The following CNTN3 variants were observed in gnomAD, a reference collection of about 807,000 sequenced individuals.
CNTN3 encodes contactin 3, also known as contactin-3.
In CNTN3, 60 loss-of-function variants were observed where a neutral mutation model predicts 119.1. The observed-to-expected ratio is 0.50, with a 90% CI of 0.41 to 0.62. The LOEUF (loss-of-function observed/expected upper bound fraction) is 0.62, where lower values mean the gene tolerates loss of function less well. CNTN3 is among the 20% of genes least tolerant of loss of function. CNTN3 has a pLI of 0.00. For missense variants in CNTN3, 1,101 were observed against 1,242.4 expected (o/e 0.89, Z 1.71); for synonymous variants, 450 against 438.7 (o/e 1.03, Z -0.32).
At chr3:74,575,612 C>CACACACACACACACAA in intron 1 of CNTN3, among the ~76,000 whole-genome samples, 1 of 150,212 alleles carries the variant, frequency 6.7e-6, no homozygotes, top group Non-Finnish European at 1.5e-5. Flanking sequence ...TCCCAACACA[C>CACACACACACACACAA]ACACACACAC....
intron 5 of CNTN3, among the ~76,000 whole-genome samples, chr3:74,422,342 T>C (rs1001757451): frequency 1.3e-5 from 2 of 152,246 alleles, no homozygotes; most frequent in East Asian, 3.8e-4. Context: ...TATGGGTTCA[T>C]GTCTGACATC....
rs1045025991 is a variant in CNTN3, at chr3:74,297,838, C to T, written c.2401+119G>A. Reference sequence around the variant, plus strand: ...ACTTGCACTGGGAATCTAACTACTACCTGGATGATTGTTCTTTGGAATAAA... The same window carrying T: ...ACTTGCACTGGGAATCTAACTACTATCTGGATGATTGTTCTTTGGAATAAA... On this transcript the variant is annotated intron_variant, in intron 18 of 22. Transcript: ENST00000263665. 7.0e-6 allele frequency: 5 copies of T among 718,438 alleles called. No individual in the cohort carries two copies. In the African/African-American group the frequency reaches 8.9e-5, roughly 13 times the overall value. 44.5% of individuals were successfully genotyped at this position (718,438 alleles called of 1,614,324 possible).
At chr3:74,428,445 T>A (rs563051143) in intron 4 of CNTN3, among the ~76,000 whole-genome samples, 1 of 115,072 alleles carries the variant, frequency 8.7e-6, no homozygotes, top group East Asian at 2.8e-4. Context: ...TGACCCTGTG[T>A]AGGCCTAGGT....
At chr3:74,272,643 G>A (rs1701801027) in intron 20 of CNTN3, among the ~76,000 whole-genome samples, 1 of 152,164 alleles carries the variant, frequency 6.6e-6, no homozygotes, top group African/African-American at 2.4e-5. Flanking sequence ...GGGATGTGAT[G>A]CACAGAAAAG....
intron 2 of CNTN3, among the ~76,000 whole-genome samples, chr3:74,519,022 T>C (rs1030817820): frequency 6.6e-6 from 1 of 151,814 alleles, no homozygotes; most frequent in Non-Finnish European, 1.5e-5. Flanking sequence ...TAATCTAAAT[T>C]CTCTCATATA....
intron 4 of CNTN3, among the ~76,000 whole-genome samples, chr3:74,474,472 G>A (rs1702618366): frequency 6.6e-6 from 1 of 152,080 alleles, no homozygotes; most frequent in African/African-American, 2.4e-5. Flanking sequence ...GACTCAAAAT[G>A]GGGAGCTGAG....
chr3:74,344,945 T>C (rs1703656473), intron 11 of CNTN3, among the ~76,000 whole-genome samples: 1 of 152,050 alleles, frequency 6.6e-6, no homozygotes, highest in Non-Finnish European at 1.5e-5. Flanking sequence ...ATCTAAGATA[T>C]ATGGGCCTCA....
rs139773722 is a variant in CNTN3, at chr3:74,477,218, C to G, written c.358+9238G>C. Among the ~76,000 whole-genome samples the G allele has an allele frequency of 1.1e-3, 167 of 152,270 alleles. 2 individuals carry two copies. The highest frequency in any genetic ancestry group is 3.8e-3 in the African/African-American group (159 of 41,552). ...TTATCCTGTCTGTACAGAAGAAGAACCTTAGAGGTTTAGAATCTGCCCAAA... is the reference window on the plus strand; with the variant it reads ...TTATCCTGTCTGTACAGAAGAAGAAGCTTAGAGGTTTAGAATCTGCCCAAA... On this transcript the variant is annotated intron_variant, in intron 4 of 22. Coordinates refer to ENST00000263665, the MANE Select transcript of CNTN3 (RefSeq NM_020872.3).
At position 74,295,162 on chromosome 3, in the gene CNTN3, T is replaced by C; in HGVS notation, c.2476A>G (p.Ile826Val). The part of the protein sequence containing the change: ...SSEIEVSWNT[I>V]PWKLSNGHLL... Reference sequence around the variant, plus strand: ...TGTCCATTGCTCAACTTCCAAGGAATGGTGTTCCATGAAACCTCAATTTCT... The same window carrying C: ...TGTCCATTGCTCAACTTCCAAGGAACGGTGTTCCATGAAACCTCAATTTCT... Residue 826 changes from isoleucine (I) to valine (V), a missense_variant, in exon 19 of 23, where the codon ATT (isoleucine) becomes GTT (valine). Transcript: ENST00000263665. The C allele has an allele frequency of 6.2e-7, 1 of 1,613,452 alleles. No individual in the cohort carries two copies. The highest frequency in any genetic ancestry group is 8.5e-7 in the Non-Finnish European group (1 of 1,179,412).
intron 4 of CNTN3, among the ~76,000 whole-genome samples, chr3:74,431,422 A>G (rs1701781267): frequency 6.6e-6 from 1 of 152,184 alleles, no homozygotes; most frequent in Non-Finnish European, 1.5e-5. Context: ...CTGTCTCTGT[A>G]CGACTTAAAA....
chr3:74,399,822 C>A (rs1477591674), intron 5 of CNTN3, among the ~76,000 whole-genome samples: 3 of 152,130 alleles, frequency 2.0e-5, no homozygotes, highest in African/African-American at 7.2e-5. Flanking sequence ...ACAACAACCC[C>A]CTTCCTCCTG....
At chr3:74,297,656 A>G (rs965575954) in intron 18 of CNTN3, among the ~76,000 whole-genome samples, 3 of 152,204 alleles carry the variant, frequency 2.0e-5, no homozygotes, top group African/African-American at 7.2e-5. Context: ...TAGGAACAAA[A>G]GGAAAGGCAT....
At position 74,263,492 on chromosome 3, in the gene CNTN3, T is replaced by C. The variant is rs1314746518; in HGVS notation, c.*909A>G. ...TAAAACCTGAAAGCTTATTCATAGCTGTGAAGGAAACAATTCCTTTTTTAA... is the reference window on the plus strand; with the variant it reads ...TAAAACCTGAAAGCTTATTCATAGCCGTGAAGGAAACAATTCCTTTTTTAA... On this transcript the variant is annotated 3_prime_UTR_variant, in exon 23 of 23. Coordinates refer to ENST00000263665, the MANE Select transcript of CNTN3 (RefSeq NM_020872.3). 6.6e-6 allele frequency: 1 copy of C among 152,116 alleles called. No individual in the cohort carries two copies. The highest frequency in any genetic ancestry group is 1.5e-5 in the Non-Finnish European group (1 of 68,000). 9.4% of individuals were successfully genotyped at this position (152,116 alleles called of 1,614,324 possible). A position where few individuals can be genotyped will look rare whatever the true frequency, so the allele number is the denominator to read the frequency against.
intron 13 of CNTN3, among the ~76,000 whole-genome samples, chr3:74,328,332 C>CA (rs542719802): frequency 2.0e-5 from 3 of 151,516 alleles, no homozygotes; most frequent in Non-Finnish European, 2.9e-5. Context: ...GAAATTTTTC[C>CA]AAAAAAAATT....
chr3:74,432,166 C>A (rs1701794446), intron 4 of CNTN3, among the ~76,000 whole-genome samples: 1 of 152,030 alleles, frequency 6.6e-6, no homozygotes, highest in Non-Finnish European at 1.5e-5. Context: ...CAGGTCGCTG[C>A]CAATAAAAGA....
intron 1 of CNTN3, among the ~76,000 whole-genome samples, chr3:74,551,827 G>T (rs1183965813): frequency 7.5e-6 from 1 of 132,996 alleles, no homozygotes; most frequent in Non-Finnish European, 1.5e-5. Context: ...GCAGTGGCGC[G>T]ATCTCGGTGC....
At chr3:74,338,224 G>T (rs1159785729) in intron 11 of CNTN3, among the ~76,000 whole-genome samples, 1 of 151,920 alleles carries the variant, frequency 6.6e-6, no homozygotes, top group East Asian at 1.9e-4. Flanking sequence ...CCATTCAGTA[G>T]AATAAATAGG....
chr3:74,329,799 A>G (rs1019633294), intron 13 of CNTN3, among the ~76,000 whole-genome samples: 2 of 152,210 alleles, frequency 1.3e-5, no homozygotes, highest in African/African-American at 4.8e-5. Flanking sequence ...AAATATAGGT[A>G]TAATAGAACA....
chr3:74,537,003 C>CACACAG (rs1487754275), intron 1 of CNTN3, among the ~76,000 whole-genome samples: 1 of 151,578 alleles, frequency 6.6e-6, no homozygotes, highest in Non-Finnish European at 1.5e-5. Context: ...TTAAAACACA[C>CACACAG]ACACACACAC....
Sources: gnomAD v4.1 joint callset for allele counts (sites outside exome capture counted in the v4.1 genomes callset) on GRCh38, gnomAD v4.1.1 for gene constraint, MANE v1.5 for transcripts, NCBI Gene and HGNC (gene_info 2026-07-23, HGNC 2026-07-21) for gene names.